Variants in RBPMS observed in about 807,000 individuals in gnomAD.
The protein encoded by RBPMS is RNA-binding protein with multiple splicing.
RBPMS carries 7 observed loss-of-function variants against 26.8 expected under a neutral mutation model. The ratio of observed to expected loss-of-function variants is 0.26; its 90% CI spans 0.15 to 0.49. RBPMS has a LOEUF of 0.49. Ranked by LOEUF, RBPMS falls within the 20% of genes least tolerant of loss-of-function variation. The pLI, the probability that RBPMS is intolerant of heterozygous loss-of-function variation, is 0.98. For synonymous variants in RBPMS, 96 were observed against 93.3 expected (o/e 1.03, Z -0.17); for missense variants, 186 against 250.0 (o/e 0.74, Z 1.73).
chr8:30,428,421 A>C (rs1811591946), intron 1 of RBPMS, among the ~76,000 whole-genome samples: 1 of 152,022 alleles, frequency 6.6e-6, no homozygotes, highest in Non-Finnish European at 1.5e-5. Context: ...ATGCCACTGC[A>C]CTGCAGCCTG....
intron 1 of RBPMS, among the ~76,000 whole-genome samples, chr8:30,470,888 CTAAGA>C (rs1817019760): frequency 6.6e-6 from 1 of 152,108 alleles, no homozygotes; most frequent in African/African-American, 2.4e-5. Context: ...TATTGAAACA[CTAAGA>C]TAAGAATCTC....
intron 8 of RBPMS, among the ~76,000 whole-genome samples, chr8:30,570,236 G>A (rs771196570): frequency 4.6e-5 from 7 of 152,082 alleles, no homozygotes; most frequent in South Asian, 4.2e-4. Flanking sequence ...GGCCTCTTTC[G>A]GCACACAAAT....
intron 5 of RBPMS, among the ~76,000 whole-genome samples, chr8:30,516,769 C>G (rs1470803897): frequency 6.6e-6 from 1 of 152,076 alleles, no homozygotes; most frequent in Admixed American, 6.6e-5. Context: ...TGGCATACGC[C>G]TGTAGTCCCA....
intron 6 of RBPMS, among the ~76,000 whole-genome samples, chr8:30,555,508 C>T (rs143600907): frequency 1.6e-4 from 25 of 152,282 alleles, no homozygotes; most frequent in African/African-American, 5.8e-4. Context: ...TCTTGAGAAG[C>T]CCCTGGAATT....
chr8:30,484,616 T>C (rs544708819), intron 4 of RBPMS, among the ~76,000 whole-genome samples: 38 of 152,300 alleles, frequency 2.5e-4, no homozygotes, highest in African/African-American at 8.7e-4. Flanking sequence ...ACTAAAAATA[T>C]ATAAGATATT....
At position 30,566,266 on chromosome 8, in the gene RBPMS, G is replaced by A; in HGVS notation, c.*17G>A. On this transcript the variant is annotated 3_prime_UTR_variant, in exon 8 of 9. Coordinates refer to ENST00000397323, the MANE Select transcript of RBPMS (RefSeq NM_001008710.3). ...TCTTTCTCCATCCCAGGTCCCAGGT[G>A]TGTGATGGCGGCTGCAATCTGTCTT... is the stretch of plus-strand genomic sequence containing the variant. 1.0e-6 allele frequency: 1 copy of A among 985,982 alleles called. No homozygotes were observed. The allele number at this position is 985,982 out of a possible 1,614,324, so 61.1% of individuals were successfully genotyped here.
At chr8:30,565,430 C>A (rs1195321456) in intron 7 of RBPMS, 2 of 152,196 alleles carry the variant, frequency 1.3e-5, no homozygotes, top group Non-Finnish European at 2.9e-5. Flanking sequence ...ATACTGGACA[C>A]GGCCTGTCTG....
At chr8:30,500,627 T>C (rs1444946907) in intron 4 of RBPMS, among the ~76,000 whole-genome samples, 2 of 152,214 alleles carry the variant, frequency 1.3e-5, no homozygotes, top group African/African-American at 4.8e-5. Flanking sequence ...TTGGAGACTT[T>C]TTCTCTAGTG....
chr8:30,417,096 T>C (rs939134334), intron 1 of RBPMS, among the ~76,000 whole-genome samples: 1 of 152,198 alleles, frequency 6.6e-6, no homozygotes, highest in Admixed American at 6.5e-5. Flanking sequence ...TTGGGGGAGT[T>C]TGTTCTTCTA....
intron 5 of RBPMS, among the ~76,000 whole-genome samples, chr8:30,514,724 C>G (rs1311142704): frequency 8.2e-6 from 1 of 121,748 alleles, no homozygotes; most frequent in Non-Finnish European, 1.7e-5. Flanking sequence ...CGGGGTTTCC[C>G]CATGTTGGCC....
At chr8:30,531,346 C>T (rs1824204728) in intron 5 of RBPMS, among the ~76,000 whole-genome samples, 1 of 109,936 alleles carries the variant, frequency 9.1e-6, no homozygotes, top group African/African-American at 3.4e-5. Flanking sequence ...CAGAGCCAAC[C>T]AGCCTTCTGC....
chr8:30,418,040 T>C (rs1810306947), intron 1 of RBPMS, among the ~76,000 whole-genome samples: 1 of 152,234 alleles, frequency 6.6e-6, no homozygotes, highest in South Asian at 2.1e-4. Context: ...TTTAAAAATC[T>C]TTTTTAACCA....
chr8:30,541,197 G>A (rs1335319375), intron 5 of RBPMS, among the ~76,000 whole-genome samples: 1 of 152,136 alleles, frequency 6.6e-6, no homozygotes, highest in Non-Finnish European at 1.5e-5. Flanking sequence ...ACCGTAGACT[G>A]TAAGCTTCAC....
At chr8:30,498,172 G>A (rs768911461) in intron 4 of RBPMS, among the ~76,000 whole-genome samples, 26 of 151,864 alleles carry the variant, frequency 1.7e-4, no homozygotes, top group Non-Finnish European at 2.2e-4. Context: ...GAATGGAAGT[G>A]TAGGAAGCTC....
intron 1 of RBPMS, among the ~76,000 whole-genome samples, chr8:30,461,740 C>T (rs1251943085): frequency 6.6e-6 from 1 of 152,200 alleles, no homozygotes; most frequent in Non-Finnish European, 1.5e-5. Flanking sequence ...GTGCCCTTTG[C>T]CTAGTTTCTG....
At chr8:30,520,195 T>C (rs1022896782) in intron 5 of RBPMS, among the ~76,000 whole-genome samples, 4 of 152,186 alleles carry the variant, frequency 2.6e-5, no homozygotes, top group African/African-American at 9.7e-5. Context: ...ATGTTGATTT[T>C]TCTAATTGGT....
At chr8:30,495,804 A>G (rs1416230321) in intron 4 of RBPMS, among the ~76,000 whole-genome samples, 1 of 152,098 alleles carries the variant, frequency 6.6e-6, no homozygotes, top group African/African-American at 2.4e-5. Context: ...TGGAATCCAT[A>G]TCTACCTAAG....
At chr8:30,564,510 C>T (rs1227340473) in intron 7 of RBPMS, 2 of 152,374 alleles carry the variant, frequency 1.3e-5, no homozygotes, top group Admixed American at 1.3e-4. Context: ...GGTGGGTGCC[C>T]CTCTAGCCAC....
intron 1 of RBPMS, among the ~76,000 whole-genome samples, chr8:30,446,514 G>A (rs998265285): frequency 1.4e-4 from 21 of 152,216 alleles, no homozygotes; most frequent in African/African-American, 5.1e-4. Flanking sequence ...GTGTATGTGT[G>A]TGCATGCACG....
Sources: allele counts gnomAD v4.1 joint callset (sites outside exome capture counted in the v4.1 genomes callset), GRCh38; gene constraint gnomAD v4.1.1; transcripts MANE v1.5; gene names NCBI Gene and HGNC (gene_info 2026-07-23, HGNC 2026-07-21).